DNAH8: variants seen among roughly 807,000 people sequenced by gnomAD.
DNAH8 encodes the protein dynein axonemal heavy chain 8.
Under a neutral mutation model 562.1 loss-of-function variants are expected in DNAH8, and 382 were observed. The ratio of observed to expected loss-of-function variants is 0.68; its 90% CI spans 0.63 to 0.74. The LOEUF (loss-of-function observed/expected upper bound fraction) is 0.74, where lower values mean the gene tolerates loss of function less well. Ranked by LOEUF, DNAH8 falls within the 30% of genes least tolerant of loss-of-function variation. DNAH8 has a pLI of 0.00. For synonymous variants in DNAH8, 1,881 were observed against 1,919.4 expected, an observed-to-expected ratio of 0.98 and a Z score of 0.52; for missense variants, 5,203 against 5,620.4, an observed-to-expected ratio of 0.93 and a Z score of 2.37.
In DNAH8 at chr6:38,803,293, A is replaced by G. The variant is rs751997357; in HGVS notation, c.3016A>G (p.Lys1006Glu). The change falls in exon 22 of 93, where the codon AAA (lysine) becomes GAA (glutamate). Residue 1006 changes from lysine (K) to glutamate (E), a missense_variant. Coordinates refer to ENST00000327475, the MANE Select transcript of DNAH8 (RefSeq NM_001206927.2). Reference sequence around the variant, plus strand: ...GATTTATGAAGTGAAATACACTGGGAAAGTAGGAAAACAGTCAGGTAACTT... The same window carrying G: ...GATTTATGAAGTGAAATACACTGGGGAAGTAGGAAAACAGTCAGGTAACTT... ...EQIYEVKYTG[K>E]VGKQSEQRKH... The G allele has an allele frequency of 7.5e-6, 12 of 1,600,186 alleles. No homozygotes were observed. Among genetic ancestry groups the G allele is most frequent in the Non-Finnish European group, 1.0e-5 (12 of 1,174,050 alleles).
chr6:38,742,490 T>G (rs1055331987), intron 8 of DNAH8, among the ~76,000 whole-genome samples: 22 of 151,848 alleles, frequency 1.4e-4, no homozygotes, highest in Admixed American at 4.6e-4. Flanking sequence ...GTTGTAGAGA[T>G]GGGGTTTCAC....
intron 61 of DNAH8, 100 bp from the exon 62 acceptor site, chr6:38,899,676 C>A: frequency 1.5e-6 from 2 of 1,320,774 alleles, no homozygotes; most frequent in Middle Eastern, 2.0e-4. Flanking sequence ...AGTCTAATAT[C>A]ATCTAGAAAC....
intron 88 of DNAH8, among the ~76,000 whole-genome samples, chr6:38,996,687 AGGG>A (rs35115389): frequency 6.6e-6 from 1 of 151,914 alleles, no homozygotes; most frequent in Non-Finnish European, 1.5e-5. Flanking sequence ...ACAGGTCTCA[AGGG>A]GGGACTGATA....
chr6:38,918,035 T>C lies in DNAH8; in HGVS notation c.10419T>C (p.Thr3473=). 6.2e-7 allele frequency: 1 copy of C among 1,613,950 alleles called. No homozygotes were observed. The highest frequency in any genetic ancestry group is 2.2e-5 in the East Asian group (1 of 44,854). ...CATATTTTAATATGGATGATTATACTTTTGAAAGTGCCAAAAAAGTCTGTG... is the reference window on the plus strand; with the variant it reads ...CATATTTTAATATGGATGATTATACCTTTGAAAGTGCCAAAAAAGTCTGTG... ...LQPYFNMDDY[T]FESAKKVCGN... is the part of the protein sequence containing the mutation. Residue 3473 remains threonine, a synonymous_variant, in exon 70 of 93, where the codon ACT becomes ACC. Transcript: ENST00000327475.
intron 53 of DNAH8, among the ~76,000 whole-genome samples, chr6:38,877,521 C>T (rs1282566463): frequency 6.6e-6 from 1 of 152,148 alleles, no homozygotes; most frequent in African/African-American, 2.4e-5. Context: ...TGCAGGCATT[C>T]AGTCTTGCCA....
Position 38,873,270 on chromosome 6 carries a change from C to A in DNAH8, c.7514C>A (p.Ala2505Asp). 1 of 1,613,564 alleles carries A rather than the reference C, an allele frequency of 6.2e-7. No homozygotes were observed. The highest frequency in any genetic ancestry group is 8.5e-7 in the Non-Finnish European group (1 of 1,179,860). Residue 2505 changes from alanine (A) to aspartate (D), a missense_variant, in exon 52 of 93, where the codon GCT becomes GAT. Transcript: ENST00000327475. The stretch of plus-strand genomic sequence containing the variant: ...AAGAAACGCACTGCACAGGAAGCTG[C>A]TGTATTCCTGACACTGTATGAGAAA... ...WLKKRTAQEAAVFLTLYEKVF... is the reference protein window; with the variant it reads ...WLKKRTAQEADVFLTLYEKVF...
chr6:39,018,031 C>T (rs1223172591), intron 91 of DNAH8, among the ~76,000 whole-genome samples: 2 of 152,154 alleles, frequency 1.3e-5, no homozygotes, highest in African/African-American at 4.8e-5. Flanking sequence ...ATGAGAGCTA[C>T]CCTTAAACAT....
chr6:39,020,464 A>G (rs149576482), intron 91 of DNAH8, among the ~76,000 whole-genome samples: 1 of 152,238 alleles, frequency 6.6e-6, no homozygotes, highest in African/African-American at 2.4e-5. Context: ...GAACAAGTAT[A>G]TCAGAATCTC....
At chr6:38,985,615 A>G (rs1043401591) in intron 87 of DNAH8, among the ~76,000 whole-genome samples, 17 of 152,260 alleles carry the variant, frequency 1.1e-4, no homozygotes, top group African/African-American at 4.1e-4. Context: ...CCTGGAAAGC[A>G]GTCCAGTAAT....
chr6:38,736,987 G>A (rs1444516435), intron 5 of DNAH8, 80 bp from the exon 6 acceptor site: 3 of 981,868 alleles, frequency 3.1e-6, no homozygotes, highest in Non-Finnish European at 4.3e-6. Flanking sequence ...TATGTTTATT[G>A]CAATATAAAA....
chr6:38,796,878 G>T (rs971738515), intron 21 of DNAH8, among the ~76,000 whole-genome samples: 1 of 152,034 alleles, frequency 6.6e-6, no homozygotes, highest in African/African-American at 2.4e-5. Flanking sequence ...TCTTGTCTGC[G>T]GCTTGTCCTG....
intron 37 of DNAH8, among the ~76,000 whole-genome samples, chr6:38,849,076 T>A (rs1775535739): frequency 6.6e-6 from 1 of 152,182 alleles, no homozygotes; most frequent in Non-Finnish European, 1.5e-5. Context: ...AAATCTTTAC[T>A]ATCTGGCCCT....
At chr6:38,915,558 C>T (rs945120389) in intron 68 of DNAH8, among the ~76,000 whole-genome samples, 181 bp downstream of exon 68, 1 of 152,000 alleles carries the variant, frequency 6.6e-6, no homozygotes, top group Admixed American at 6.6e-5. Flanking sequence ...AAAGTCTTCC[C>T]CTCTTATATT....
chr6:38,892,915 C>T (rs1032090894), intron 58 of DNAH8, among the ~76,000 whole-genome samples: 1 of 152,158 alleles, frequency 6.6e-6, no homozygotes, highest in African/African-American at 2.4e-5. Flanking sequence ...TCACTCTTAC[C>T]TTCAGAGCGA....
intron 81 of DNAH8, among the ~76,000 whole-genome samples, chr6:38,950,965 C>T (rs778559454): frequency 2.0e-5 from 3 of 152,138 alleles, no homozygotes; most frequent in Non-Finnish European, 4.4e-5. Flanking sequence ...CAAATGCTTG[C>T]TGACCCACTT....
intron 21 of DNAH8, among the ~76,000 whole-genome samples, chr6:38,799,298 C>T (rs1429086535): frequency 3.9e-5 from 6 of 152,002 alleles, no homozygotes; most frequent in Non-Finnish European, 2.9e-5. Context: ...TGAGGTCCTC[C>T]AAATGGGCTG....
At position 38,756,197 on chromosome 6, in the gene DNAH8, C is replaced by T. The variant is rs145917235; in HGVS notation, c.1515+118C>T. The stretch of plus-strand genomic sequence containing the variant: ...AGTGCCTCTCAGAGTTTTAATACTT[C>T]CAGTGGACAAGAAGAGAAAGGCGTT... On this transcript the variant is annotated intron_variant, in intron 10 of 92. Coordinates refer to ENST00000327475, the MANE Select transcript of DNAH8 (RefSeq NM_001206927.2). 6.7e-4 allele frequency: 463 copies of T among 689,996 alleles called. 4 individuals are homozygous for T. Among genetic ancestry groups the T allele is most frequent in the Non-Finnish European group, 7.8e-5 (30 of 385,256 alleles). 42.7% of individuals were successfully genotyped at this position (689,996 alleles called of 1,614,324 possible). A position where few individuals can be genotyped will look rare whatever the true frequency, so the allele number is the denominator to read the frequency against.
At chr6:38,824,246 C>G (rs1168621778) in intron 28 of DNAH8, among the ~76,000 whole-genome samples, 1 of 152,190 alleles carries the variant, frequency 6.6e-6, no homozygotes, top group Non-Finnish European at 1.5e-5. Context: ...GACTGCTAGT[C>G]TCATACAGGG....
chr6:38,958,646 C>CAAAAAAAA (rs35382684), intron 82 of DNAH8, among the ~76,000 whole-genome samples: 2 of 58,890 alleles, frequency 3.4e-5, no homozygotes, highest in African/African-American at 7.1e-5. Flanking sequence ...AGTCTCCCAT[C>CAAAAAAAA]AAAAAAAAAA....
Sources: allele counts gnomAD v4.1 joint callset (sites outside exome capture counted in the v4.1 genomes callset), GRCh38; gene constraint gnomAD v4.1.1; transcripts MANE v1.5; gene names NCBI Gene and HGNC (gene_info 2026-07-23, HGNC 2026-07-21).